The following OLFM3 variants were observed in gnomAD, a reference collection of about 807,000 sequenced individuals.
OLFM3 encodes the protein olfactomedin 3.
In OLFM3, 20 loss-of-function variants were observed where a neutral mutation model predicts 48.6. The ratio of observed to expected loss-of-function variants is 0.41; its 90% CI spans 0.29 to 0.60. OLFM3 has a LOEUF of 0.60. Ranked by LOEUF, OLFM3 falls within the 20% of genes least tolerant of loss-of-function variation. OLFM3 has a pLI of 0.28. For missense variants in OLFM3, 437 were observed against 544.3 expected (o/e 0.80, Z 1.96); for synonymous variants, 222 against 198.1 (o/e 1.12, Z -1.01).
chr1:101,937,366 T>G (rs953243479), intron 1 of OLFM3, among the ~76,000 whole-genome samples: 1 of 152,194 alleles, frequency 6.6e-6, no homozygotes, highest in Non-Finnish European at 1.5e-5. Context: ...TGTTCTTTCT[T>G]CCTGAAATGC....
chr1:101,885,537 C>T (rs2100997061), intron 1 of OLFM3, among the ~76,000 whole-genome samples: 1 of 152,198 alleles, frequency 6.6e-6, no homozygotes, highest in East Asian at 1.9e-4. Flanking sequence ...TCCTTCACCT[C>T]TTCTGCCTCT....
At chr1:101,920,596 A>G (rs1008244599) in intron 1 of OLFM3, among the ~76,000 whole-genome samples, 7 of 152,200 alleles carry the variant, frequency 4.6e-5, no homozygotes, top group Admixed American at 3.3e-4. Flanking sequence ...TGTGTTTAGT[A>G]CCTGATTCCA....
chr1:101,974,893 C>T (rs957147611), intron 1 of OLFM3, among the ~76,000 whole-genome samples: 2 of 152,146 alleles, frequency 1.3e-5, no homozygotes, highest in African/African-American at 4.8e-5. Flanking sequence ...GAATGTGAAA[C>T]ATTTTTTTTG....
intron 1 of OLFM3, among the ~76,000 whole-genome samples, chr1:101,840,577 T>A (rs1655670671): frequency 6.6e-6 from 1 of 152,006 alleles, no homozygotes; most frequent in Admixed American, 6.6e-5. Flanking sequence ...TTCAAGTGAT[T>A]CTCCCACCAC....
chr1:101,887,377 C>A (rs1657804394), intron 1 of OLFM3, among the ~76,000 whole-genome samples: 1 of 150,866 alleles, frequency 6.6e-6, no homozygotes, highest in Non-Finnish European at 1.5e-5. Context: ...AAATGGCAAA[C>A]CAATAAAATA....
At chr1:101,959,907 A>T (rs556637805) in intron 1 of OLFM3, among the ~76,000 whole-genome samples, 2 of 152,332 alleles carry the variant, frequency 1.3e-5, no homozygotes, top group African/African-American at 4.8e-5. Flanking sequence ...TTTTCTTTAT[A>T]CTGACCCCTA....
At chr1:101,966,966 G>C in intron 1 of OLFM3, among the ~76,000 whole-genome samples, 1 of 152,068 alleles carries the variant, frequency 6.6e-6, no homozygotes, top group Non-Finnish European at 1.5e-5. Context: ...ATAGAAATTA[G>C]GGCAAATGTG....
intron 3 of OLFM3, among the ~76,000 whole-genome samples, chr1:101,826,601 C>T (rs1433598607): frequency 6.6e-6 from 1 of 152,174 alleles, no homozygotes; most frequent in Non-Finnish European, 1.5e-5. Context: ...TCCACTTGCT[C>T]TGTAAGTTCA....
chr1:101,958,316 T>G (rs1660359351), intron 1 of OLFM3, among the ~76,000 whole-genome samples: 1 of 152,126 alleles, frequency 6.6e-6, no homozygotes, highest in African/African-American at 2.4e-5. Flanking sequence ...TAGCCCATCA[T>G]ACCTTTTCAA....
At chr1:101,944,193 TTTAA>T (rs1360145830) in intron 1 of OLFM3, among the ~76,000 whole-genome samples, 1 of 152,060 alleles carries the variant, frequency 6.6e-6, no homozygotes, top group African/African-American at 2.4e-5. Flanking sequence ...ATAAATTATG[TTTAA>T]TTATTGCCAA....
intron 1 of OLFM3, among the ~76,000 whole-genome samples, chr1:101,871,738 T>A (rs1348955147): frequency 1.3e-5 from 2 of 152,094 alleles, no homozygotes; most frequent in East Asian, 3.9e-4. Context: ...CATATAAATA[T>A]GATTTATAAT....
intron 1 of OLFM3, among the ~76,000 whole-genome samples, chr1:101,929,431 G>T (rs922159398): frequency 1.2e-4 from 18 of 152,094 alleles, no homozygotes; most frequent in African/African-American, 4.3e-4. Context: ...AGAAGAGTAA[G>T]TGGACTCAGC....
intron 1 of OLFM3, among the ~76,000 whole-genome samples, chr1:101,845,148 T>G (rs1394345280): frequency 1.3e-5 from 2 of 152,016 alleles, no homozygotes; most frequent in Admixed American, 6.5e-5. Flanking sequence ...GTTCTTCTTC[T>G]TATTATTATT....
intron 4 of OLFM3, among the ~76,000 whole-genome samples, chr1:101,818,687 T>C (rs1422709575): frequency 6.6e-6 from 1 of 152,104 alleles, no homozygotes; most frequent in Non-Finnish European, 1.5e-5. Context: ...TGGAATGAAA[T>C]ACTGCATTGC....
intron 1 of OLFM3, among the ~76,000 whole-genome samples, chr1:101,896,598 C>T (rs553904788): frequency 4.2e-4 from 63 of 150,062 alleles, no homozygotes; most frequent in Non-Finnish European, 5.6e-4. Flanking sequence ...CGGTTCACGC[C>T]ATTCTCCTGC....
chr1:101,967,804 T>C (rs1300690308), intron 1 of OLFM3, among the ~76,000 whole-genome samples: 1 of 152,106 alleles, frequency 6.6e-6, no homozygotes, highest in African/African-American at 2.4e-5. Flanking sequence ...GAAACAGGAA[T>C]GGTACAAACT....
intron 1 of OLFM3, among the ~76,000 whole-genome samples, chr1:101,887,980 T>A (rs762230980): frequency 2.0e-5 from 3 of 152,108 alleles, no homozygotes; most frequent in Non-Finnish European, 2.9e-5. Flanking sequence ...AACATGTGTG[T>A]TTCATTTATA....
At chr1:101,822,973 C>T (rs1654679956) in intron 4 of OLFM3, among the ~76,000 whole-genome samples, 1 of 151,934 alleles carries the variant, frequency 6.6e-6, no homozygotes, top group South Asian at 2.1e-4. Context: ...TAGGATGTGG[C>T]TAAAAAGATG....
intron 1 of OLFM3, among the ~76,000 whole-genome samples, chr1:101,946,992 A>C (rs1659983300): frequency 6.6e-6 from 1 of 152,186 alleles, no homozygotes; most frequent in African/African-American, 2.4e-5. Flanking sequence ...TTAATGTGAA[A>C]GAAAATGAGA....
Sources: allele counts gnomAD v4.1 joint callset (sites outside exome capture counted in the v4.1 genomes callset), GRCh38; gene constraint gnomAD v4.1.1; transcripts MANE v1.5; gene names NCBI Gene and HGNC (gene_info 2026-07-23, HGNC 2026-07-21).